The following ASIC2 variants were observed in gnomAD, a reference collection of about 807,000 sequenced individuals.
ASIC2 encodes acid-sensing ion channel 2.
In ASIC2, 25 loss-of-function variants were observed where a neutral mutation model predicts 57.3. The observed-to-expected ratio is 0.44, with a 90% CI of 0.32 to 0.61. The LOEUF (loss-of-function observed/expected upper bound fraction) is 0.61, where lower values mean the gene tolerates loss of function less well. ASIC2 is among the 20% of genes least tolerant of loss of function. ASIC2 has a pLI of 0.06. For synonymous variants in ASIC2, 319 were observed against 307.5 expected, an observed-to-expected ratio of 1.04 and a Z score of -0.39; for missense variants, 641 against 738.1, an observed-to-expected ratio of 0.87 and a Z score of 1.52.
chr17:33,096,051 AGTGT>A (rs1354804978), intron 2 of ASIC2, among the ~76,000 whole-genome samples: 2 of 152,134 alleles, frequency 1.3e-5, no homozygotes, highest in African/African-American at 4.8e-5. Context: ...GAGACTATAA[AGTGT>A]GTGTGTGCCT....
chr17:34,123,453 G>A (rs947413752), intron 1 of ASIC2, among the ~76,000 whole-genome samples: 15 of 152,166 alleles, frequency 9.9e-5, no homozygotes, highest in African/African-American at 3.6e-4. Flanking sequence ...GGGAATGGCA[G>A]CCAGCTCCTG....
chr17:33,685,058 A>G (rs925542885), intron 1 of ASIC2, among the ~76,000 whole-genome samples: 11 of 152,156 alleles, frequency 7.2e-5, no homozygotes, highest in African/African-American at 2.7e-4. Flanking sequence ...TTGAAGCAAG[A>G]AAGTCCTGCT....
intron 1 of ASIC2, among the ~76,000 whole-genome samples, chr17:33,963,940 G>A (rs1382348024): frequency 6.6e-6 from 1 of 152,190 alleles, no homozygotes; most frequent in Non-Finnish European, 1.5e-5. Context: ...GACCCTTTCT[G>A]CCACTGGATG....
At chr17:33,810,669 T>C (rs1024913837) in intron 1 of ASIC2, among the ~76,000 whole-genome samples, 11 of 152,132 alleles carry the variant, frequency 7.2e-5, no homozygotes, top group Non-Finnish European at 1.2e-4. Context: ...TTTGTCTAAG[T>C]TCAAATTATG....
At chr17:33,646,584 GA>G (rs1906747494) in intron 1 of ASIC2, among the ~76,000 whole-genome samples, 1 of 152,182 alleles carries the variant, frequency 6.6e-6, no homozygotes, top group Non-Finnish European at 1.5e-5. Flanking sequence ...ATTTTGTATA[GA>G]ACAGACACTT....
At chr17:33,643,948 T>C (rs1444228712) in intron 1 of ASIC2, among the ~76,000 whole-genome samples, 1 of 152,210 alleles carries the variant, frequency 6.6e-6, no homozygotes, top group African/African-American at 2.4e-5. Flanking sequence ...ATCTTATAAT[T>C]ATTTTTAAAG....
chr17:33,285,201 A>G (rs1214434951), intron 1 of ASIC2, among the ~76,000 whole-genome samples: 4 of 152,236 alleles, frequency 2.6e-5, no homozygotes, highest in African/African-American at 9.6e-5. Flanking sequence ...GTGGCCCCAA[A>G]ATAGCCACTA....
In ASIC2 at chr17:33,292,857, C is replaced by A; in HGVS notation, c.-742G>T. ...CTTCCCCAAGTCCTGCGCCTAAGTC[C>A]TGCCAGGCGCCCGCTCTCGCCTGGG... On this transcript the variant is annotated 5_prime_UTR_variant, in exon 1 of 10. The change creates a new upstream start codon in the 5' untranslated region. Transcript: ENST00000225823. The A allele has an allele frequency of 1.0e-6, 1 of 985,560 alleles. No homozygotes were observed. The highest frequency in any genetic ancestry group is 1.2e-6 in the Non-Finnish European group (1 of 830,016). The allele number at this position is 985,560 out of a possible 1,614,324, so 61.1% of individuals were successfully genotyped here.
At chr17:33,440,274 G>A (rs945701192) in intron 1 of ASIC2, among the ~76,000 whole-genome samples, 1 of 152,122 alleles carries the variant, frequency 6.6e-6, no homozygotes, top group African/African-American at 2.4e-5. Context: ...TTAGCCTGAC[G>A]TTTTCGAGGT....
chr17:33,584,799 C>G (rs1022103530), intron 1 of ASIC2, among the ~76,000 whole-genome samples: 1 of 152,146 alleles, frequency 6.6e-6, no homozygotes, highest in African/African-American at 2.4e-5. Flanking sequence ...GATTCGGAAG[C>G]CTGAGAGTGC....
chr17:33,236,852 GA>G (rs1252986183), intron 1 of ASIC2, among the ~76,000 whole-genome samples: 1 of 152,176 alleles, frequency 6.6e-6, no homozygotes. Context: ...GCAGCCACCA[GA>G]AGCTGGAAAT....
chr17:33,141,465 C>T (rs1333052104), intron 1 of ASIC2, among the ~76,000 whole-genome samples: 2 of 152,136 alleles, frequency 1.3e-5, no homozygotes, highest in African/African-American at 2.4e-5. Flanking sequence ...CATAAAATGT[C>T]CCACTAAATG....
chr17:33,069,928 T>G (rs1207885725), intron 3 of ASIC2, among the ~76,000 whole-genome samples: 50 of 152,194 alleles, frequency 3.3e-4, no homozygotes, highest in Non-Finnish European at 1.5e-5. Context: ...CTTCCCTCAT[T>G]TTCTGCCTCC....
chr17:33,503,092 A>G (rs949059422), intron 1 of ASIC2, among the ~76,000 whole-genome samples: 4 of 152,184 alleles, frequency 2.6e-5, no homozygotes, highest in African/African-American at 9.7e-5. Flanking sequence ...ATGAGCAACC[A>G]TACAAGGTAA....
intron 1 of ASIC2, among the ~76,000 whole-genome samples, chr17:33,681,039 T>C (rs147115243): frequency 6.6e-6 from 1 of 152,244 alleles, no homozygotes; most frequent in African/African-American, 2.4e-5. Context: ...GATAGGGAGT[T>C]TCTTAGGTGA....
chr17:33,417,927 C>T (rs1034587793), intron 1 of ASIC2, among the ~76,000 whole-genome samples: 77 of 152,090 alleles, frequency 5.1e-4, no homozygotes, highest in African/African-American at 1.7e-3. Flanking sequence ...TTTCTCTGTT[C>T]TACCCCTTCT....
rs187053766 is a variant in ASIC2 at position 33,303,959 on chromosome 17, G to A, written c.556-191892C>T. Among the ~76,000 whole-genome samples the A allele has an allele frequency of 2.2e-4, 33 of 152,324 alleles. No homozygotes were observed. The East Asian group carries it at 5.4e-3, about 25-fold the overall frequency. On this transcript the variant is annotated intron_variant, in intron 1 of 9. Coordinates refer to the ASIC2 transcript ENST00000359872. ...AAAACAGTTCATACCCTTTGACCTAGTGATTCCATACCCTAGGGTTCCCCA... is the reference window on the plus strand; with the variant it reads ...AAAACAGTTCATACCCTTTGACCTAATGATTCCATACCCTAGGGTTCCCCA...
At chr17:33,743,948 T>C (rs947436592) in intron 1 of ASIC2, among the ~76,000 whole-genome samples, 1 of 152,180 alleles carries the variant, frequency 6.6e-6, no homozygotes, top group African/African-American at 2.4e-5. Context: ...AGATCTTTCG[T>C]AGGACATGCT....
intron 3 of ASIC2, among the ~76,000 whole-genome samples, chr17:33,085,940 T>A (rs2092132472): frequency 6.6e-6 from 1 of 152,186 alleles, no homozygotes; most frequent in African/African-American, 2.4e-5. Flanking sequence ...TTAGTTATAA[T>A]AATCATGAAA....
Sources: allele counts gnomAD v4.1 joint callset (sites outside exome capture counted in the v4.1 genomes callset), GRCh38; gene constraint gnomAD v4.1.1; transcripts MANE v1.5; gene names NCBI Gene and HGNC (gene_info 2026-07-23, HGNC 2026-07-21).